The following TRIT1 variants were observed in gnomAD, a reference collection of about 807,000 sequenced individuals.
TRIT1 encodes tRNA isopentenyltransferase 1.
In TRIT1, 43 loss-of-function variants were observed where a neutral mutation model predicts 51.2. That is an observed-to-expected ratio of 0.84 (90% CI 0.66 to 1.08). The LOEUF is 1.08. Ranked by LOEUF, TRIT1 falls within the 50% of genes least tolerant of loss-of-function variation. The probability of loss-of-function intolerance (pLI) is 0.00; values close to 1 mark genes in which losing one functional copy is unlikely to be tolerated. For synonymous variants in TRIT1, 184 were observed against 203.9 expected, an observed-to-expected ratio of 0.90 and a Z score of 0.83; for missense variants, 528 against 578.4, an observed-to-expected ratio of 0.91 and a Z score of 0.89.
intron 5 of TRIT1, among the ~76,000 whole-genome samples, chr1:39,848,862 C>T (rs940015998): frequency 1.3e-5 from 2 of 151,336 alleles, no homozygotes; most frequent in African/African-American, 4.9e-5. Context: ...TTCTAAACTA[C>T]TGAGCCAAGC....
At chr1:39,874,614 CTCTGTACTTT>C (rs1302850240) in intron 1 of TRIT1, among the ~76,000 whole-genome samples, 1 of 151,878 alleles carries the variant, frequency 6.6e-6, no homozygotes, top group Non-Finnish European at 1.5e-5. Context: ...GTTAAATTGT[CTCTGTACTTT>C]TCAGTATTAT....
At chr1:39,880,668 G>A (rs748092423) in intron 1 of TRIT1, among the ~76,000 whole-genome samples, 8 of 151,852 alleles carry the variant, frequency 5.3e-5, no homozygotes, top group African/African-American at 9.7e-5. Context: ...GCATGGTGGC[G>A]GGCGTCTGTA....
At chr1:39,877,201 A>C (rs559648416) in intron 1 of TRIT1, among the ~76,000 whole-genome samples, 1 of 151,962 alleles carries the variant, frequency 6.6e-6, no homozygotes, top group East Asian at 1.9e-4. Flanking sequence ...CAAAGCAAAC[A>C]AAAAGAATAC....
intron 1 of TRIT1, among the ~76,000 whole-genome samples, chr1:39,862,584 A>G (rs1643313941): frequency 6.6e-6 from 1 of 152,240 alleles, no homozygotes. Context: ...ACAGTTAAGA[A>G]GCAAAAACAC....
intron 2 of TRIT1, among the ~76,000 whole-genome samples, chr1:39,855,528 A>G (rs1309453613): frequency 6.6e-6 from 1 of 152,224 alleles, no homozygotes; most frequent in East Asian, 1.9e-4. Context: ...CTGGTTGAGC[A>G]TCCCAAACCT....
chr1:39,852,277 C>T (rs1217047294), intron 4 of TRIT1, among the ~76,000 whole-genome samples: 1 of 152,150 alleles, frequency 6.6e-6, no homozygotes, highest in Non-Finnish European at 1.5e-5. Flanking sequence ...CTCTTCCCTA[C>T]CAGATAGTTT....
Position 39,841,590 on chromosome 1 carries a change from G to C in TRIT1, c.*154C>G, listed in dbSNP as rs1201806589. 4.3e-6 allele frequency: 3 copies of C among 704,600 alleles called. No homozygotes were observed. Among genetic ancestry groups the C allele is most frequent in the Non-Finnish European group, 6.7e-6 (3 of 446,486 alleles). The allele number at this position is 704,600 out of a possible 1,614,324, so 43.6% of individuals were successfully genotyped here. ...GCTGTTTCTATTATAGAGAACGTGAGACTTTAAAACCACATCAAAAGAAAA... is the reference window on the plus strand; with the variant it reads ...GCTGTTTCTATTATAGAGAACGTGACACTTTAAAACCACATCAAAAGAAAA... On this transcript the variant is annotated 3_prime_UTR_variant, in exon 11 of 11. Transcript: ENST00000316891.
In TRIT1 at chr1:39,850,133, T is replaced by C; in HGVS notation, c.689A>G (p.His230Arg). 1 of 1,614,190 alleles carries C rather than the reference T, an allele frequency of 6.2e-7. No individual in the cohort carries two copies. Among genetic ancestry groups the C allele is most frequent in the Non-Finnish European group, 8.5e-7 (1 of 1,180,034 alleles). Residue 230 changes from histidine (H) to arginine (R), a missense_variant, in exon 5 of 11, where the codon CAT (histidine) becomes CGT (arginine). Transcript: ENST00000316891. ...AGGGCTGTTACCTGCCTGGTCAGCATGAAGCCAAAGGATGCAAGGGTTAGA... is the reference window on the plus strand; with the variant it reads ...AGGGCTGTTACCTGCCTGGTCAGCACGAAGCCAAAGGATGCAAGGGTTAGA... Reference protein sequence around the residue: ...KFSNPCILWLHADQAVLDERL... With the variant: ...KFSNPCILWLRADQAVLDERL...
intron 3 of TRIT1, 153 bp downstream of exon 3, chr1:39,853,816 AC>A: frequency 1.7e-6 from 1 of 600,582 alleles, no homozygotes; most frequent in Non-Finnish European, 2.9e-6. Flanking sequence ...CACACTTCAC[AC>A]ATGGAGGTGG....
At chr1:39,851,474 A>T (rs1642567174) in intron 4 of TRIT1, among the ~76,000 whole-genome samples, 1 of 152,342 alleles carries the variant, frequency 6.6e-6, no homozygotes, top group South Asian at 2.1e-4. Context: ...AAAAAAATTG[A>T]ATGTTTTCTA....
At chr1:39,853,230 TTACCC>T (rs1415937577) in intron 3 of TRIT1, among the ~76,000 whole-genome samples, 1 of 152,194 alleles carries the variant, frequency 6.6e-6, no homozygotes, top group Non-Finnish European at 1.5e-5. Context: ...TTACACAGTC[TTACCC>T]TACATAGTAG....
rs756261635 is a variant in TRIT1, at chr1:39,848,099, T to C, written c.704-2A>G. The C allele has an allele frequency of 2.5e-6, 4 of 1,613,298 alleles. No homozygotes were observed. The highest frequency in any genetic ancestry group is 3.4e-6 in the Non-Finnish European group (4 of 1,179,268). On this transcript the variant is annotated splice_acceptor_variant, in intron 5 of 10. Transcript: ENST00000316891. LOFTEE classifies it high-confidence loss of function. ...TCTTATCCAAGCGCTCATCTAGAAC[T>C]TGAATCAAATTAGCCCATCAACCAG...
At chr1:39,856,916 T>C (rs967225137) in intron 2 of TRIT1, among the ~76,000 whole-genome samples, 1 of 152,222 alleles carries the variant, frequency 6.6e-6, no homozygotes, top group African/African-American at 2.4e-5. Flanking sequence ...ACACAAATTT[T>C]CTGATTCTTA....
At chr1:39,858,318 G>A (rs2124625240) in intron 1 of TRIT1, among the ~76,000 whole-genome samples, 1 of 152,272 alleles carries the variant, frequency 6.6e-6, no homozygotes, top group African/African-American at 2.4e-5. Flanking sequence ...TAATGGTTAG[G>A]AGGAAAGACC....
rs1641905437 is a variant in TRIT1 at position 39,841,600 on chromosome 1, C to A, written c.*144G>T. On this transcript the variant is annotated 3_prime_UTR_variant, in exon 11 of 11. Coordinates refer to ENST00000316891, the MANE Select transcript of TRIT1 (RefSeq NM_017646.6). ...TTATAGAGAACGTGAGACTTTAAAA[C>A]CACATCAAAAGAAAATGGTGGGAGC... 1 of 805,996 alleles carries A rather than the reference C, an allele frequency of 1.2e-6. No homozygotes were observed. Among genetic ancestry groups the A allele is most frequent in the Non-Finnish European group, 1.9e-6 (1 of 534,380 alleles). The allele number at this position is 805,996 out of a possible 1,614,324, so 49.9% of individuals were successfully genotyped here.
intron 5 of TRIT1, 79 bp downstream of exon 5, chr1:39,850,040 T>G (rs1228186978): frequency 1.4e-5 from 21 of 1,490,088 alleles, no homozygotes; most frequent in Non-Finnish European, 1.9e-5. Flanking sequence ...CCACCCATGG[T>G]TCTCAGCATT....
rs552166711 is a variant in TRIT1, at chr1:39,869,370, GC to G, written c.175-11954del. 2.2e-3 allele frequency among the ~76,000 whole-genome samples: 335 copies of G among 152,358 alleles called. 2 individuals carry two copies. Among genetic ancestry groups the G allele is most frequent in the African/African-American group, 7.5e-3 (313 of 41,598 alleles). ...TCTGCTAGCCTCGGCCTCCCGAGGT[GC>G]CGGGATTGCAGACGGAGTCTTGCTC... On this transcript the variant is annotated intron_variant, in intron 1 of 10. Transcript: ENST00000316891.
At chr1:39,866,643 T>C (rs1448648559) in intron 1 of TRIT1, among the ~76,000 whole-genome samples, 1 of 152,092 alleles carries the variant, frequency 6.6e-6, no homozygotes, top group African/African-American at 2.4e-5. Context: ...CAACTGTAGA[T>C]ATGCTGAATA....
At chr1:39,865,271 T>C (rs1224546864) in intron 1 of TRIT1, among the ~76,000 whole-genome samples, 7 of 152,270 alleles carry the variant, frequency 4.6e-5, no homozygotes, top group Non-Finnish European at 1.0e-4. Flanking sequence ...TTCCTCCATC[T>C]ACTTTACTGA....
Sources: gnomAD v4.1 joint callset for allele counts (sites outside exome capture counted in the v4.1 genomes callset) on GRCh38, gnomAD v4.1.1 for gene constraint, MANE v1.5 for transcripts, NCBI Gene and HGNC (gene_info 2026-07-23, HGNC 2026-07-21) for gene names.